The following TEX14 variants were observed in gnomAD, a reference collection of about 807,000 sequenced individuals.
TEX14 encodes the protein testis expressed 14, intercellular bridge forming factor.
In TEX14, 168 loss-of-function variants were observed where a neutral mutation model predicts 178.6. The observed-to-expected ratio is 0.94, with a 90% CI of 0.83 to 1.07. TEX14 has a LOEUF of 1.07. TEX14 is among the 50% of genes least tolerant of loss of function. The probability of loss-of-function intolerance (pLI) is 0.00; values close to 1 mark genes in which losing one functional copy is unlikely to be tolerated. For synonymous variants in TEX14, 626 were observed against 634.1 expected, an observed-to-expected ratio of 0.99 and a Z score of 0.19; for missense variants, 1,730 against 1,753.6, an observed-to-expected ratio of 0.99 and a Z score of 0.24.
rs367799204 is a variant in TEX14 at position 58,587,496 on chromosome 17, G to C, written c.2788+85C>G. 2.1e-5 allele frequency: 18 copies of C among 837,706 alleles called. No homozygotes were observed. The South Asian group carries it at 2.9e-4, about 14-fold the overall frequency. 51.9% of individuals were successfully genotyped at this position (837,706 alleles called of 1,614,324 possible). ...GCTATGGTTCTAAATGTGCAACACAGGTTGTGTACTTAGAAATATCAACCA... is the reference window on the plus strand; with the variant it reads ...GCTATGGTTCTAAATGTGCAACACACGTTGTGTACTTAGAAATATCAACCA... On this transcript the variant is annotated intron_variant, in intron 17 of 31. Coordinates refer to ENST00000349033, the MANE Select transcript of TEX14 (RefSeq NM_031272.5).
intron 9 of TEX14, 126 bp from the exon 10 acceptor site, chr17:58,611,465 T>C (rs2045745719): frequency 2.0e-5 from 14 of 710,678 alleles, no homozygotes; most frequent in African/African-American, 1.2e-4. Flanking sequence ...ATTTTACAGA[T>C]GGAGAACCTA....
intron 1 of TEX14, among the ~76,000 whole-genome samples, chr17:58,659,601 G>T (rs987157464): frequency 6.6e-6 from 1 of 152,146 alleles, no homozygotes; most frequent in Non-Finnish European, 1.5e-5. Context: ...TCTAGCTGCC[G>T]CTCCCAAGGA....
At chr17:58,615,408 T>G in intron 7 of TEX14, 63 bp from the exon 8 acceptor site, 2 of 963,560 alleles carry the variant, frequency 2.1e-6, no homozygotes, top group South Asian at 1.3e-5. Context: ...CTTCAATGAA[T>G]AAGCTTTCCT....
chr17:58,630,410 T>A, intron 3 of TEX14, 30 bp downstream of exon 3: 1 of 1,506,880 alleles, frequency 6.6e-7, no homozygotes. Flanking sequence ...ACAACCCCTA[T>A]TTTCTAGACA....
chr17:58,615,176 A>C, intron 8 of TEX14, 56 bp downstream of exon 8: 16 of 1,013,560 alleles, frequency 1.6e-5, no homozygotes, highest in Non-Finnish European at 2.5e-5. Flanking sequence ...AATAGCCCAG[A>C]ACCTGAGTCT....
At chr17:58,659,229 A>T in intron 1 of TEX14, 1 of 475,760 alleles carries the variant, frequency 2.1e-6, no homozygotes, top group Non-Finnish European at 2.6e-6. Context: ...CGCGGGAGCA[A>T]ACACATAGTA....
At chr17:58,619,479 ACT>A (rs1390600381) in intron 5 of TEX14, among the ~76,000 whole-genome samples, 1 of 152,082 alleles carries the variant, frequency 6.6e-6, no homozygotes, top group East Asian at 1.9e-4. Flanking sequence ...TTAGAGGCTA[ACT>A]CTAATTTCAA....
chr17:58,646,078 G>A (rs1400106493), intron 2 of TEX14, among the ~76,000 whole-genome samples: 2 of 151,654 alleles, frequency 1.3e-5, no homozygotes, highest in Non-Finnish European at 2.9e-5. Flanking sequence ...TTTGATACTT[G>A]GTTGGTTGAA....
At chr17:58,625,359 T>C (rs2046111263) in intron 3 of TEX14, among the ~76,000 whole-genome samples, 1 of 152,172 alleles carries the variant, frequency 6.6e-6, no homozygotes, top group Non-Finnish European at 1.5e-5. Flanking sequence ...GGTCTCAAAT[T>C]CCTGACCTCA....
At chr17:58,647,400 C>T (rs1387748857) in intron 2 of TEX14, among the ~76,000 whole-genome samples, 18 of 151,236 alleles carry the variant, frequency 1.2e-4, no homozygotes, top group Admixed American at 9.9e-4. Flanking sequence ...GGTGTAGTGG[C>T]GGGTGCCTGT....
chr17:58,573,277 T>TA lies in TEX14; in HGVS notation c.3414dup (p.Ile1139TyrfsTer4), dbSNP rs1555565906. On this transcript the variant is annotated frameshift_variant, in exon 23 of 32. Coordinates refer to ENST00000349033, the MANE Select transcript of TEX14 (RefSeq NM_031272.5). LOFTEE classifies it high-confidence loss of function. ...AAAGAGCTGTCTGGTTCATAGGAGA[T>TA]ACTAGACAGGTCTTGAATATCCGTC... 1 of 1,613,336 alleles carries TA rather than the reference T, an allele frequency of 6.2e-7. No individual in the cohort carries two copies.
chr17:58,678,818 T>TATAATTATA (rs1555586392), intron 1 of TEX14, among the ~76,000 whole-genome samples: 2 of 137,324 alleles, frequency 1.5e-5, no homozygotes, highest in East Asian at 4.2e-4. Flanking sequence ...GAACTTAAAG[T>TATAATTATA]ATAATAATAA....
intron 1 of TEX14, among the ~76,000 whole-genome samples, chr17:58,657,177 C>T (rs764350202): frequency 5.3e-5 from 8 of 151,672 alleles, no homozygotes; most frequent in Non-Finnish European, 1.0e-4. Context: ...ACTATGTTGC[C>T]CAGGCTGATC....
Position 58,633,592 on chromosome 17 carries a change from G to A in TEX14, c.137-3038C>T, listed in dbSNP as rs186008397. 2.4e-4 allele frequency among the ~76,000 whole-genome samples: 37 copies of A among 152,108 alleles called. No individual in the cohort carries two copies. The East Asian group carries it at 6.8e-3, about 28-fold the overall frequency. ...CGGCTGTAATCCCAGCACTTTGGGA[G>A]GCTGGGCAGATCACTTGAGGTCAGG... On this transcript the variant is annotated intron_variant, in intron 2 of 31. Transcript: ENST00000349033.
chr17:58,570,474 G>A lies in TEX14; in HGVS notation c.3728C>T (p.Ser1243Phe). Residue 1243 changes from serine (S) to phenylalanine (F), a missense_variant, in exon 25 of 32, where the codon TCT (serine) becomes TTT (phenylalanine). Coordinates refer to ENST00000349033, the MANE Select transcript of TEX14 (RefSeq NM_031272.5). ...PSRLTGLKRL[S>F]SFIGAGSPSL... The stretch of plus-strand genomic sequence containing the variant: ...GGGGGATCCAGCCCCAATAAATGAA[G>A]ACAATCTTTTCTATAAGGAAGAGAT... 2 of 1,525,590 alleles carry A rather than the reference G, an allele frequency of 1.3e-6. No individual in the cohort carries two copies. Among genetic ancestry groups the A allele is most frequent in the Admixed American group, 2.5e-5 (1 of 39,614 alleles). 94.5% of individuals were successfully genotyped at this position (1,525,590 alleles called of 1,614,324 possible).
intron 5 of TEX14, among the ~76,000 whole-genome samples, chr17:58,617,878 G>A (rs986821581): frequency 6.6e-6 from 1 of 152,170 alleles, no homozygotes. Flanking sequence ...TGTTAACAGT[G>A]CAAAACAGTG....
chr17:58,639,792 A>G (rs998784014), intron 2 of TEX14, among the ~76,000 whole-genome samples: 1 of 152,212 alleles, frequency 6.6e-6, no homozygotes, highest in Non-Finnish European at 1.5e-5. Context: ...GCTCACAACT[A>G]TCCTAAGGGT....
In TEX14 at chr17:58,629,603, T is replaced by A. The variant is rs188122003; in HGVS notation, c.251+837A>T. Among the ~76,000 whole-genome samples the A allele has an allele frequency of 6.7e-4, 102 of 152,002 alleles. 1 individual carries two copies. Among genetic ancestry groups the A allele is most frequent in the African/African-American group, 2.4e-3 (101 of 41,482 alleles). On this transcript the variant is annotated intron_variant, in intron 3 of 31. Transcript: ENST00000349033. ...ACTTTGGGAGGCCAAGGCGGGCAGA[T>A]CACGAGGTCAGGAGATTGAGACCAT... is the stretch of plus-strand genomic sequence containing the variant.
intron 1 of TEX14, among the ~76,000 whole-genome samples, chr17:58,671,249 G>C (rs1324409813): frequency 6.6e-6 from 1 of 152,068 alleles, no homozygotes; most frequent in Non-Finnish European, 1.5e-5. Flanking sequence ...GACTAGAGAG[G>C]GTTTCTTTTG....
Sources: allele counts gnomAD v4.1 joint callset (sites outside exome capture counted in the v4.1 genomes callset), GRCh38; gene constraint gnomAD v4.1.1; transcripts MANE v1.5; gene names NCBI Gene and HGNC (gene_info 2026-07-23, HGNC 2026-07-21).